The following AK5 variants were observed in gnomAD, a reference collection of about 807,000 sequenced individuals.
AK5 encodes adenylate kinase isoenzyme 5.
A neutral mutation model predicts 69.5 loss-of-function variants in AK5; 27 were observed. The observed-to-expected ratio is 0.39, with a 90% CI of 0.29 to 0.54. The LOEUF (loss-of-function observed/expected upper bound fraction) is 0.54, where lower values mean the gene tolerates loss of function less well. Among genes scored for constraint, AK5 ranks in the 20% least tolerant of loss-of-function variants. The pLI, the probability that AK5 is intolerant of heterozygous loss-of-function variation, is 0.71. For synonymous variants in AK5, 260 were observed against 244.4 expected (o/e 1.06, Z -0.60); for missense variants, 531 against 700.4 (o/e 0.76, Z 2.73).
At chr1:77,306,498 T>G (rs867671849) in intron 5 of AK5, among the ~76,000 whole-genome samples, 101 of 106,420 alleles carry the variant, frequency 9.5e-4, no homozygotes, top group African/African-American at 1.8e-3. Flanking sequence ...TTTTTTGTTT[T>G]TTTTTTTTTT....
intron 12 of AK5, among the ~76,000 whole-genome samples, chr1:77,525,326 A>G (rs956148954): frequency 3.9e-5 from 6 of 152,194 alleles, no homozygotes; most frequent in African/African-American, 1.2e-4. Context: ...TGATCTTGAC[A>G]TTTATGTTAG....
chr1:77,286,636 A>C (rs112791287), intron 1 of AK5, among the ~76,000 whole-genome samples: 15,020 of 151,806 alleles, frequency 0.099, 896 homozygotes, highest in East Asian at 0.2. Context: ...CGCTTGAGTT[A>C]AGGAGTTCGA....
At chr1:77,390,732 A>T (rs1648368346) in intron 6 of AK5, among the ~76,000 whole-genome samples, 1 of 152,230 alleles carries the variant, frequency 6.6e-6, no homozygotes, top group South Asian at 2.1e-4. Context: ...ATTTTTGTTC[A>T]ACTTAATTTA....
At chr1:77,476,907 T>TAAA (rs1553155235) in intron 8 of AK5, among the ~76,000 whole-genome samples, 148 of 148,058 alleles carry the variant, frequency 1.0e-3, no homozygotes, top group East Asian at 4.5e-3. Flanking sequence ...GCTGTTTTTT[T>TAAA]AAAAAAAAAA....
chr1:77,361,315 A>G (rs144564826), intron 6 of AK5, among the ~76,000 whole-genome samples: 1 of 152,278 alleles, frequency 6.6e-6, no homozygotes, highest in African/African-American at 2.4e-5. Context: ...TTGGTCTCAA[A>G]GCGACCTGGT....
At chr1:77,533,588 C>A (rs958209545) in intron 12 of AK5, among the ~76,000 whole-genome samples, 1 of 148,858 alleles carries the variant, frequency 6.7e-6, no homozygotes, top group Non-Finnish European at 1.5e-5. Flanking sequence ...ATATTTCTAA[C>A]AAGCTTCCAA....
At chr1:77,354,875 A>G (rs558018555) in intron 6 of AK5, among the ~76,000 whole-genome samples, 1 of 152,296 alleles carries the variant, frequency 6.6e-6, no homozygotes, top group South Asian at 2.1e-4. Context: ...ATTTTTTTGT[A>G]AAGAAAAAAT....
intron 12 of AK5, among the ~76,000 whole-genome samples, chr1:77,531,859 G>T (rs1284410438): frequency 6.6e-6 from 1 of 151,990 alleles, no homozygotes; most frequent in Non-Finnish European, 1.5e-5. Context: ...GGAGGTGGGG[G>T]GGAAGGCTCA....
At chr1:77,520,564 G>T (rs1236989461) in intron 11 of AK5, among the ~76,000 whole-genome samples, 1 of 152,156 alleles carries the variant, frequency 6.6e-6, no homozygotes, top group African/African-American at 2.4e-5. Flanking sequence ...TGCATTTGCT[G>T]TGTCTGCAGC....
rs139551623 is a variant in AK5 at position 77,433,612 on chromosome 1, G to A, written c.1059+15897G>A. Among the ~76,000 whole-genome samples the A allele has an allele frequency of 3.2e-4, 49 of 152,194 alleles. 2 individuals carry two copies. In the East Asian group the frequency reaches 9.1e-3, roughly 28 times the overall value. On this transcript the variant is annotated intron_variant, in intron 8 of 13. Coordinates refer to ENST00000354567, the MANE Select transcript of AK5 (RefSeq NM_174858.3). ...TTGTCATGAATAGTTTTCCCATTTT[G>A]GAGGGATCAGGTAGGAAGAAAAAGT...
At position 77,522,093 on chromosome 1, in the gene AK5, G is replaced by A. The variant is rs76689814; in HGVS notation, c.1428+150G>A. On this transcript the variant is annotated intron_variant, in intron 12 of 13. Coordinates refer to ENST00000354567, the MANE Select transcript of AK5 (RefSeq NM_174858.3). The stretch of plus-strand genomic sequence containing the variant: ...ACTCAAACTAGAAATTTAAAAAAAG[G>A]AGATTTATTGACTTAAGTAACTAAA... 2.1e-3 allele frequency: 1,310 copies of A among 621,364 alleles called. 30 individuals carry two copies. The East Asian group carries it at 0.037, about 17-fold the overall frequency. 38.5% of individuals were successfully genotyped at this position (621,364 alleles called of 1,614,324 possible). A position where few individuals can be genotyped will look rare whatever the true frequency, so the allele number is the denominator to read the frequency against.
At chr1:77,394,154 G>T (rs1031240475) in intron 6 of AK5, among the ~76,000 whole-genome samples, 2 of 151,578 alleles carry the variant, frequency 1.3e-5, no homozygotes, top group South Asian at 2.1e-4. Context: ...GGCAGAGCTT[G>T]CAGTGAGCTG....
chr1:77,530,584 T>C (rs1461574319), intron 12 of AK5, among the ~76,000 whole-genome samples: 2 of 152,226 alleles, frequency 1.3e-5, no homozygotes, highest in African/African-American at 4.8e-5. Context: ...AGGATGACTA[T>C]GTTGCAAAGC....
At chr1:77,500,830 C>T (rs1202006085) in intron 10 of AK5, among the ~76,000 whole-genome samples, 3 of 151,934 alleles carry the variant, frequency 2.0e-5, no homozygotes, top group Non-Finnish European at 4.4e-5. Flanking sequence ...CTGAATTATC[C>T]ATCGTTGTGA....
chr1:77,409,203 G>T (rs1649868732), intron 6 of AK5, among the ~76,000 whole-genome samples: 1 of 152,120 alleles, frequency 6.6e-6, no homozygotes, highest in Admixed American at 6.5e-5. Flanking sequence ...TTGCTATTGT[G>T]AATAATGCTG....
chr1:77,432,031 T>A (rs1352083305), intron 8 of AK5, among the ~76,000 whole-genome samples: 1 of 152,220 alleles, frequency 6.6e-6, no homozygotes, highest in African/African-American at 2.4e-5. Context: ...AGTTTTGTTA[T>A]CAAGAACTTG....
intron 5 of AK5, among the ~76,000 whole-genome samples, chr1:77,330,971 T>A (rs746523862): frequency 5.3e-5 from 8 of 152,124 alleles, no homozygotes; most frequent in Non-Finnish European, 1.2e-4. Flanking sequence ...ATATTTTTAT[T>A]TCCATTTTAA....
At chr1:77,463,185 G>A (rs1255753922) in intron 8 of AK5, among the ~76,000 whole-genome samples, 1 of 152,164 alleles carries the variant, frequency 6.6e-6, no homozygotes, top group African/African-American at 2.4e-5. Context: ...ACTCCTCCCT[G>A]ACTGACTTCT....
At chr1:77,367,673 A>ATGTTATATATACGTTATATGTT (rs1491319905) in intron 6 of AK5, among the ~76,000 whole-genome samples, 3 of 34,536 alleles carry the variant, frequency 8.7e-5, no homozygotes, top group Non-Finnish European at 1.2e-4. Context: ...TGTTATATAT[A>ATGTTATATATACGTTATATGTT]ATATATATGT....
Sources: allele counts gnomAD v4.1 joint callset (sites outside exome capture counted in the v4.1 genomes callset), GRCh38; gene constraint gnomAD v4.1.1; transcripts MANE v1.5; gene names NCBI Gene and HGNC (gene_info 2026-07-23, HGNC 2026-07-21).